BMAL2: variants seen among roughly 807,000 people sequenced by gnomAD.
The protein encoded by BMAL2 is basic helix-loop-helix ARNT like 2, also known as basic helix-loop-helix ARNT-like protein 2.
chr12:27,409,033 A>C, the BMAL2 span, among the ~76,000 whole-genome samples: 16 of 152,344 alleles, frequency 1.1e-4, no homozygotes, highest in Admixed American at 9.1e-4. Context: ...AATCCAACTT[A>C]CAAGGGATGT....
At chr12:27,345,366 GT>G in the BMAL2 span, among the ~76,000 whole-genome samples, 1 of 151,942 alleles carries the variant, frequency 6.6e-6, no homozygotes, top group African/African-American at 2.4e-5. Context: ...TTTAAGTTCT[GT>G]TTTTTTTATT....
At chr12:27,405,878 C>T in the BMAL2 span, among the ~76,000 whole-genome samples, 5 of 151,996 alleles carry the variant, frequency 3.3e-5, no homozygotes, top group African/African-American at 9.7e-5. Context: ...ACAAGAATAA[C>T]CAATGCAGAG....
chr12:27,416,884 G>A, the BMAL2 span, among the ~76,000 whole-genome samples: 3 of 152,190 alleles, frequency 2.0e-5, no homozygotes, highest in Admixed American at 1.3e-4. Flanking sequence ...GATCACTTGA[G>A]CCCAGAAGTT....
chr12:27,377,493 A>G, the BMAL2 span: 2 of 152,206 alleles, frequency 1.3e-5, no homozygotes, highest in Admixed American at 6.5e-5. Flanking sequence ...TGGAGTCAGG[A>G]GTCTCTATCC....
At chr12:27,397,992 C>T in the BMAL2 span, among the ~76,000 whole-genome samples, 42 of 152,326 alleles carry the variant, frequency 2.8e-4, no homozygotes, top group African/African-American at 9.4e-4. Flanking sequence ...CGGGACTCTC[C>T]GCCTGATCTC....
the BMAL2 span, among the ~76,000 whole-genome samples, chr12:27,378,533 C>T: frequency 3.3e-5 from 5 of 152,190 alleles, no homozygotes; most frequent in Non-Finnish European, 5.9e-5. Flanking sequence ...AGCAAGTCTT[C>T]AGGCGTTGCT....
chr12:27,350,405 C>T, the BMAL2 span, among the ~76,000 whole-genome samples: 28,081 of 152,096 alleles, frequency 0.18, 3,238 homozygotes, highest in African/African-American at 0.31. Context: ...CTCTCTTCCA[C>T]AGTACAGGAC....
the BMAL2 span, among the ~76,000 whole-genome samples, chr12:27,406,262 G>A: frequency 4.6e-5 from 7 of 152,160 alleles, no homozygotes; most frequent in African/African-American, 7.2e-5. Context: ...GATACTCCTC[G>A]AGAAGAGCAA....
chr12:27,370,717 T>G, the BMAL2 span, among the ~76,000 whole-genome samples: 1 of 152,152 alleles, frequency 6.6e-6, no homozygotes, highest in South Asian at 2.1e-4. Context: ...GTGATTCTTC[T>G]GCCTCAGCCT....
the BMAL2 span, among the ~76,000 whole-genome samples, chr12:27,354,094 T>C: frequency 6.6e-6 from 1 of 152,252 alleles, no homozygotes; most frequent in South Asian, 2.1e-4. Context: ...TATAAATTGT[T>C]CTACCAAAAA....
the BMAL2 span, chr12:27,385,666 C>T: frequency 9.6e-5 from 63 of 654,526 alleles, no homozygotes; most frequent in Non-Finnish European, 1.6e-4. Context: ...TATGGGACTC[C>T]ATATTACACC....
At chr12:27,389,113 G>T in the BMAL2 span, 60 of 1,018,832 alleles carry the variant, frequency 5.9e-5, no homozygotes, top group Non-Finnish European at 1.2e-5. Flanking sequence ...AACATTTATT[G>T]TATGCATCAA....
At chr12:27,364,554 T>C in the BMAL2 span, among the ~76,000 whole-genome samples, 2 of 152,184 alleles carry the variant, frequency 1.3e-5, no homozygotes, top group Non-Finnish European at 2.9e-5. Context: ...TACTACACTG[T>C]CTTAATTACT....
the BMAL2 span, chr12:27,394,411 T>C: frequency 1.3e-5 from 2 of 152,180 alleles, no homozygotes; most frequent in Admixed American, 1.3e-4. Flanking sequence ...TTACTTAACT[T>C]TTTAATACTT....
the BMAL2 span, chr12:27,370,160 AAGCTT>A: frequency 1.9e-6 from 3 of 1,614,072 alleles, no homozygotes; most frequent in Admixed American, 5.0e-5. Context: ...AGTGGTGGAA[AAGCTT>A]TCTCAGAATC....
At chr12:27,413,756 A>G in the BMAL2 span, among the ~76,000 whole-genome samples, 1 of 152,218 alleles carries the variant, frequency 6.6e-6, no homozygotes, top group Non-Finnish European at 1.5e-5. Flanking sequence ...CAGTGACTCA[A>G]TTTAGTTTTA....
At chr12:27,359,377 C>A in the BMAL2 span, among the ~76,000 whole-genome samples, 1 of 152,116 alleles carries the variant, frequency 6.6e-6, no homozygotes, top group African/African-American at 2.4e-5. Flanking sequence ...GTAATTTATT[C>A]TTTGAATAAA....
chr12:27,339,546 G>A, the BMAL2 span, among the ~76,000 whole-genome samples: 1 of 152,092 alleles, frequency 6.6e-6, no homozygotes, highest in African/African-American at 2.4e-5. Flanking sequence ...TTTCCACAAT[G>A]GTTGAACTAA....
the BMAL2 span, among the ~76,000 whole-genome samples, chr12:27,414,332 C>G: frequency 6.6e-6 from 1 of 152,174 alleles, no homozygotes; most frequent in Non-Finnish European, 1.5e-5. Context: ...AACACTCCAT[C>G]TGATGGCAGC....
Sources: allele counts gnomAD v4.1 joint callset (sites outside exome capture counted in the v4.1 genomes callset), GRCh38; gene constraint gnomAD v4.1.1; transcripts MANE v1.5; gene names NCBI Gene and HGNC (gene_info 2026-07-23, HGNC 2026-07-21).